Variants in WDR64 observed in about 807,000 individuals in gnomAD.
The protein encoded by WDR64 is WD repeat-containing protein 64.
Under a neutral mutation model 139.3 loss-of-function variants are expected in WDR64, and 112 were observed. The observed-to-expected ratio is 0.80, with a 90% CI of 0.69 to 0.94. The LOEUF is 0.94. WDR64 is among the 40% of genes least tolerant of loss of function. The pLI is 0.00. For missense variants in WDR64, 1,206 were observed against 1,293.1 expected (o/e 0.93, Z 1.03); for synonymous variants, 444 against 437.7 (o/e 1.01, Z -0.18).
chr1:241,672,822 G>A (rs1245934661), intron 3 of WDR64, among the ~76,000 whole-genome samples: 2 of 152,060 alleles, frequency 1.3e-5, no homozygotes, highest in Non-Finnish European at 2.9e-5. Flanking sequence ...ATGCATTTCA[G>A]GTAGTGGGGA....
intron 1 of WDR64, among the ~76,000 whole-genome samples, chr1:241,655,202 A>G (rs985198280): frequency 2.6e-5 from 4 of 152,064 alleles, no homozygotes; most frequent in African/African-American, 2.4e-5. Flanking sequence ...TGCCAACATG[A>G]TGAAACCCTG....
intron 13 of WDR64, among the ~76,000 whole-genome samples, chr1:241,745,449 T>TG (rs1472377679): frequency 6.6e-6 from 1 of 151,030 alleles, no homozygotes; most frequent in East Asian, 1.9e-4. Context: ...TTCTGAGCAA[T>TG]GTACACAATT....
chr1:241,733,412 T>G (rs1490799060), intron 10 of WDR64, among the ~76,000 whole-genome samples: 6 of 151,612 alleles, frequency 4.0e-5, no homozygotes, highest in African/African-American at 1.5e-4. Flanking sequence ...GAGATGGAGG[T>G]TGCAGTGAGC....
intron 8 of WDR64, among the ~76,000 whole-genome samples, chr1:241,697,744 C>T (rs1459652375): frequency 1.3e-5 from 2 of 152,076 alleles, no homozygotes; most frequent in Admixed American, 6.6e-5. Context: ...CCTCCAGTTC[C>T]TTGATGTTAT....
intron 23 of WDR64, among the ~76,000 whole-genome samples, chr1:241,787,179 C>G (rs1659065103): frequency 6.9e-6 from 1 of 145,738 alleles, no homozygotes; most frequent in East Asian, 2.0e-4. Context: ...ACGGTGAAAC[C>G]CCATCTCTAC....
At chr1:241,728,588 A>G (rs970086282) in intron 10 of WDR64, among the ~76,000 whole-genome samples, 25 of 152,196 alleles carry the variant, frequency 1.6e-4, no homozygotes, top group African/African-American at 5.8e-4. Context: ...CAGTCTTTCC[A>G]CCAGGATATT....
At chr1:241,718,347 G>A (rs1424255442) in intron 9 of WDR64, among the ~76,000 whole-genome samples, 1 of 152,142 alleles carries the variant, frequency 6.6e-6, no homozygotes, top group Non-Finnish European at 1.5e-5. Context: ...GATTAGGGAA[G>A]GCGCTGCGGA....
intron 27 of WDR64, among the ~76,000 whole-genome samples, chr1:241,797,459 TAA>T (rs1237405209): frequency 1.3e-5 from 2 of 152,210 alleles, no homozygotes; most frequent in Non-Finnish European, 2.9e-5. Context: ...TAATTTTTTA[TAA>T]GTCTCCTTTC....
At chr1:241,711,339 G>A (rs753506535) in intron 8 of WDR64, among the ~76,000 whole-genome samples, 22 of 152,140 alleles carry the variant, frequency 1.4e-4, no homozygotes, top group Non-Finnish European at 2.5e-4. Flanking sequence ...CAGTGGGAGT[G>A]GGAAGAAGTG....
At chr1:241,700,196 T>G (rs1343622714) in intron 8 of WDR64, among the ~76,000 whole-genome samples, 2 of 150,412 alleles carry the variant, frequency 1.3e-5, no homozygotes, top group Non-Finnish European at 3.0e-5. Context: ...ACATATTTAT[T>G]GCGTACCTAT....
rs988482453 is a variant in WDR64 at position 241,775,152 on chromosome 1, T to C, written c.2478T>C (p.Ile826=). 4.5e-6 allele frequency: 7 copies of C among 1,551,130 alleles called. No individual in the cohort carries two copies. The highest frequency in any genetic ancestry group is 1.4e-5 in the African/African-American group (1 of 73,058). The change falls in exon 21 of 28, where the codon ATT becomes ATC. Residue 826 remains isoleucine (I), a synonymous_variant. Transcript: ENST00000437684. ...DMLPFTKHSA[I]SLTSLYTDSC... is the part of the protein sequence containing the mutation. ...TACCTTTCACAAAACATTCTGCCATTTCTCTGACATCGCTGTATACTGATT... is the reference window on the plus strand; with the variant it reads ...TACCTTTCACAAAACATTCTGCCATCTCTCTGACATCGCTGTATACTGATT...
intron 8 of WDR64, among the ~76,000 whole-genome samples, chr1:241,699,167 A>G (rs1016458474): frequency 1.3e-5 from 2 of 152,186 alleles, no homozygotes; most frequent in African/African-American, 4.8e-5. Context: ...TTGGGTGGGG[A>G]CACAGCCAAA....
chr1:241,713,337 A>AAGGG (rs80265012), intron 9 of WDR64, among the ~76,000 whole-genome samples: 17,096 of 93,086 alleles, frequency 0.18, 2,196 homozygotes, highest in Non-Finnish European at 0.25. Flanking sequence ...GGAAGGAAGG[A>AAGGG]AGGGAGGGAG....
chr1:241,681,540 TG>T (rs1666791222), intron 6 of WDR64, among the ~76,000 whole-genome samples: 1 of 152,236 alleles, frequency 6.6e-6, no homozygotes, highest in South Asian at 2.1e-4. Flanking sequence ...GCATTTGGGT[TG>T]GTTTCACATT....
At chr1:241,725,157 C>T (rs1028017349) in intron 10 of WDR64, among the ~76,000 whole-genome samples, 1 of 152,108 alleles carries the variant, frequency 6.6e-6, no homozygotes, top group Non-Finnish European at 1.5e-5. Context: ...GGTTTAAGAA[C>T]ACAGACAGGT....
chr1:241,741,395 A>G, intron 11 of WDR64, 121 bp from the exon 12 acceptor site: 1 of 701,218 alleles, frequency 1.4e-6, no homozygotes, highest in Non-Finnish European at 2.2e-6. Context: ...TTTCCTAGGC[A>G]TTGATTGATA....
In WDR64 at chr1:241,757,362, C is replaced by T. The variant is rs948880199; in HGVS notation, c.1850C>T (p.Ala617Val). 20 of 1,613,908 alleles carry T rather than the reference C, an allele frequency of 1.2e-5. No individual in the cohort carries two copies. Among genetic ancestry groups the T allele is most frequent in the Non-Finnish European group, 1.6e-5 (19 of 1,179,974 alleles). Residue 617 changes from alanine to valine, a missense_variant, in exon 15 of 28, where the codon GCT becomes GTT. Physicochemically the swap from Ala to Val is moderately conservative, Grantham distance 64 (BLOSUM62 0). Coordinates refer to ENST00000437684, the MANE Select transcript of WDR64 (RefSeq NM_001367482.1). ...CCTTTCCTACAAGATGGGAAACATGCTGTGCATCTGAGAATGTCTACTAGA... is the reference window on the plus strand; with the variant it reads ...CCTTTCCTACAAGATGGGAAACATGTTGTGCATCTGAGAATGTCTACTAGA... The part of the protein sequence containing the change: ...VVPFLQDGKH[A>V]VHLRMSTRDR...
At position 241,766,441 on chromosome 1, in the gene WDR64, T is replaced by C. The variant is rs1028802965; in HGVS notation, c.2081+90T>C. 8 of 1,448,516 alleles carry C rather than the reference T, an allele frequency of 5.5e-6. No individual in the cohort carries two copies. In the African/African-American group the frequency reaches 5.7e-5, roughly 10 times the overall value. 89.7% of individuals were successfully genotyped at this position (1,448,516 alleles called of 1,614,324 possible). A position where few individuals can be genotyped will look rare whatever the true frequency, so the allele number is the denominator to read the frequency against. ...ACACTCAGGGAAGGGCTGGGCGCGG[T>C]GGCTCAGGTCTGTAAACCCAGAACT... is the stretch of plus-strand genomic sequence containing the variant. On this transcript the variant is annotated intron_variant, in intron 16 of 27. Transcript: ENST00000437684.
intron 8 of WDR64, among the ~76,000 whole-genome samples, chr1:241,702,350 C>T (rs1478950091): frequency 6.6e-6 from 1 of 152,158 alleles, no homozygotes; most frequent in Non-Finnish European, 1.5e-5. Flanking sequence ...GTTCTTCTTA[C>T]CTCAGTTTCC....
Sources: gnomAD v4.1 joint callset for allele counts (sites outside exome capture counted in the v4.1 genomes callset) on GRCh38, gnomAD v4.1.1 for gene constraint, MANE v1.5 for transcripts, NCBI Gene and HGNC (gene_info 2026-07-23, HGNC 2026-07-21) for gene names.